STAT2: variants seen among roughly 807,000 people sequenced by gnomAD.
The protein encoded by STAT2 is interferon alpha induced transcriptional activator.
STAT2 carries 51 observed loss-of-function variants against 122.3 expected under a neutral mutation model. The observed-to-expected ratio is 0.42, with a 90% CI of 0.33 to 0.53. The LOEUF (loss-of-function observed/expected upper bound fraction) is 0.53, where lower values mean the gene tolerates loss of function less well. Ranked by LOEUF, STAT2 falls within the 20% of genes least tolerant of loss-of-function variation. The pLI is 0.10. For missense variants in STAT2, 736 were observed against 1,010.3 expected (o/e 0.73, Z 3.68); for synonymous variants, 351 against 394.9 (o/e 0.89, Z 1.32).
chr12:56,356,009 C>T, intron 3 of STAT2, 123 bp downstream of exon 3: 1 of 1,413,638 alleles, frequency 7.1e-7, no homozygotes, highest in East Asian at 2.3e-5. Context: ...AGACTCTGTC[C>T]TCCTTTCCCC....
In STAT2 at chr12:56,356,461, G is replaced by A; in HGVS notation, c.111C>T (p.Val37=). The A allele has an allele frequency of 3.7e-6, 6 of 1,614,034 alleles. No individual in the cohort carries two copies. Among genetic ancestry groups the A allele is most frequent in the Non-Finnish European group, 5.1e-6 (6 of 1,180,048 alleles). Residue 37 remains valine (V), a synonymous_variant, in exon 2 of 24, where the codon GTC becomes GTT. Transcript: ENST00000314128. The part of the protein sequence containing the change: ...LPVDIRQYLA[V]WIEDQNWQEA... ...CTCACCAGTTCTGGTCTTCAATCCA[G>A]ACAGCCAAGTACTGTCGAATGTCCA...
At chr12:56,345,888 T>C (rs1877374539) in intron 22 of STAT2, among the ~76,000 whole-genome samples, 5 of 151,372 alleles carry the variant, frequency 3.3e-5, no homozygotes, top group East Asian at 1.9e-4. Context: ...AACCTAAGGA[T>C]GGCAGCAGAA....
In STAT2 at chr12:56,356,449, G is replaced by T; in HGVS notation, c.123C>A (p.Asp41Glu). The T allele has an allele frequency of 6.2e-7, 1 of 1,613,936 alleles. No individual in the cohort carries two copies. Among genetic ancestry groups the T allele is most frequent in the Non-Finnish European group, 8.5e-7 (1 of 1,180,018 alleles). ...CTTCCTGAAGGCCTCACCAGTTCTG[G>T]TCTTCAATCCAGACAGCCAAGTACT... ...IRQYLAVWIE[D>E]QNWQEAALGS... Residue 41 changes from aspartate (D) to glutamate (E), a missense_variant, in exon 2 of 24, where the codon GAC becomes GAA. Transcript: ENST00000314128.
At chr12:56,350,023 TG>T in intron 13 of STAT2, 73 bp downstream of exon 13, 2 of 1,372,698 alleles carry the variant, frequency 1.5e-6, no homozygotes, top group Non-Finnish European at 1.0e-6. Context: ...CACTCCAGCC[TG>T]GGGGACAGAG....
At chr12:56,343,621 C>G (rs1876900648) in intron 23 of STAT2, 90 bp from the exon 24 acceptor site, 6 of 1,551,174 alleles carry the variant, frequency 3.9e-6, no homozygotes, top group Non-Finnish European at 5.2e-6. Context: ...GCAGGAAAGG[C>G]CTGGGAAGAG....
chr12:56,354,399 T>C, intron 8 of STAT2, 67 bp downstream of exon 8: 16 of 1,607,648 alleles, frequency 1.0e-5, no homozygotes, highest in South Asian at 1.1e-5. Context: ...TCTTGCTATA[T>C]GCAGGGCACT....
Position 56,356,848 on chromosome 12 carries a change from G to GA in STAT2, c.-7-271dup, listed in dbSNP as rs1435300404. The stretch of plus-strand genomic sequence containing the variant: ...GCTATTCCAAGCATTTTGGATTTCA[G>GA]ATTTGTCCAGATTTTGGAATATCTG... On this transcript the variant is annotated intron_variant, in intron 1 of 23. Transcript: ENST00000314128. Among the ~76,000 whole-genome samples, 4 of 152,056 alleles carry GA rather than the reference G, an allele frequency of 2.6e-5. No individual in the cohort carries two copies. The East Asian group carries it at 7.7e-4, about 29-fold the overall frequency.
intron 22 of STAT2, among the ~76,000 whole-genome samples, 163 bp downstream of exon 22, chr12:56,345,983 G>A (rs1877389009): frequency 6.6e-6 from 1 of 152,084 alleles, no homozygotes; most frequent in Non-Finnish European, 1.5e-5. Context: ...GAATAGGGCA[G>A]CTTAGGAGAA....
At chr12:56,347,390 C>T (rs1222864669) in intron 19 of STAT2, among the ~76,000 whole-genome samples, 1 of 151,988 alleles carries the variant, frequency 6.6e-6, no homozygotes, top group Non-Finnish European at 1.5e-5. Context: ...GGGGTTTCAC[C>T]ACGTGGCCCA....
intron 4 of STAT2, 27 bp downstream of exon 4, chr12:56,355,681 C>T (rs752303598): frequency 4.6e-5 from 74 of 1,610,410 alleles, no homozygotes; most frequent in Admixed American, 6.7e-5. Context: ...TCAGGAGTTT[C>T]CAACATTACC....
chr12:56,356,689 A>T lies in STAT2; in HGVS notation c.-7-111T>A, dbSNP rs1210884101. The T allele has an allele frequency of 4.4e-6, 6 of 1,372,136 alleles. No individual in the cohort carries two copies. The African/African-American group carries it at 8.8e-5, about 20-fold the overall frequency. The allele number at this position is 1,372,136 out of a possible 1,614,324, so 85.0% of individuals were successfully genotyped here. On this transcript the variant is annotated intron_variant, in intron 1 of 23. Transcript: ENST00000314128. Reference sequence around the variant, plus strand: ...TTAAAATGTTTAAATTATACAAGTAATAAAAATACAGAAAACATTAAAATA... The same window carrying T: ...TTAAAATGTTTAAATTATACAAGTATTAAAAATACAGAAAACATTAAAATA...
chr12:56,345,495 CAAAAAAAAAAA>C (rs1194953634), intron 22 of STAT2, among the ~76,000 whole-genome samples: 1 of 4,584 alleles, frequency 2.2e-4, no homozygotes, highest in Non-Finnish European at 3.3e-4. Flanking sequence ...GACCCTGTCT[CAAAAAAAAAAA>C]AAAAAAAAAA....
chr12:56,346,267 C>T (rs1331638263), intron 21 of STAT2, 64 bp from the exon 22 acceptor site: 1 of 1,600,428 alleles, frequency 6.2e-7, no homozygotes, highest in Admixed American at 1.7e-5. Flanking sequence ...CTGAGGTTCC[C>T]CTAGTGCAGA....
Position 56,356,466 on chromosome 12 carries a change from C to A in STAT2, c.106G>T (p.Ala36Ser). 6.2e-7 allele frequency: 1 copy of A among 1,614,086 alleles called. No homozygotes were observed. Among genetic ancestry groups the A allele is most frequent in the Non-Finnish European group, 8.5e-7 (1 of 1,180,034 alleles). ...LLPVDIRQYL[A>S]VWIEDQNWQE... ...CAGTTCTGGTCTTCAATCCAGACAG[C>A]CAAGTACTGTCGAATGTCCACAGGC... Residue 36 changes from alanine (A) to serine (S), a missense_variant, in exon 2 of 24, where the codon GCT (alanine) becomes TCT (serine). Coordinates refer to ENST00000314128, the MANE Select transcript of STAT2 (RefSeq NM_005419.4).
intron 1 of STAT2, among the ~76,000 whole-genome samples, chr12:56,359,127 A>G (rs1253206950): frequency 6.6e-6 from 1 of 152,226 alleles, no homozygotes; most frequent in Non-Finnish European, 1.5e-5. Context: ...GTCTTCTACT[A>G]ACATGAATAA....
At chr12:56,346,378 T>C (rs1229696224) in intron 21 of STAT2, 64 bp downstream of exon 21, 34 of 1,594,414 alleles carry the variant, frequency 2.1e-5, no homozygotes, top group Non-Finnish European at 2.9e-5. Flanking sequence ...AAGGAAGGAG[T>C]GGGATCTATG....
In STAT2 at chr12:56,355,307, G is replaced by A. The variant is rs1256657332; in HGVS notation, c.516C>T (p.Val172=). The A allele has an allele frequency of 1.2e-6, 2 of 1,614,068 alleles. No homozygotes were observed. The highest frequency in any genetic ancestry group is 2.2e-5 in the East Asian group (1 of 44,894). The change falls in exon 6 of 24, where the codon GTC becomes GTT. Residue 172 remains valine (V), a synonymous_variant. Transcript: ENST00000314128. ...CCTGGATCTTATATCGGAAGCAGAAGACATCCTGCTGGTCTTTCAGTTGGC... is the reference window on the plus strand; with the variant it reads ...CCTGGATCTTATATCGGAAGCAGAAAACATCCTGCTGGTCTTTCAGTTGGC... ...SISQLKDQQD[V]FCFRYKIQAK...
At position 56,355,439 on chromosome 12, in the gene STAT2, T is replaced by A; in HGVS notation, c.471+4A>T. 1 of 1,614,174 alleles carries A rather than the reference T, an allele frequency of 6.2e-7. No individual in the cohort carries two copies. The stretch of plus-strand genomic sequence containing the variant: ...CAACCCTAACTCCTACCACATCTAC[T>A]AACCTCCATCATAGCCCTTAAATCC... On this transcript the variant is annotated splice_donor_region_variant and intron_variant, in intron 5 of 23. Coordinates refer to ENST00000314128, the MANE Select transcript of STAT2 (RefSeq NM_005419.4).
Position 56,343,818 on chromosome 12 carries a change from CACTT to C in STAT2, c.2413+3_2413+6del. ...GCCATCTTCCATAGCTCCATCTCAT[CACTT>C]ACTTTCCATTGGCTCAGTGTTCAAA... On this transcript the variant is annotated splice_donor_5th_base_variant and intron_variant, in intron 23 of 23. Transcript: ENST00000314128. 6.2e-7 allele frequency: 1 copy of C among 1,613,620 alleles called. No homozygotes were observed. Among genetic ancestry groups the C allele is most frequent in the Non-Finnish European group, 8.5e-7 (1 of 1,179,494 alleles).
Sources: allele counts gnomAD v4.1 joint callset (sites outside exome capture counted in the v4.1 genomes callset), GRCh38; gene constraint gnomAD v4.1.1; transcripts MANE v1.5; gene names NCBI Gene and HGNC (gene_info 2026-07-23, HGNC 2026-07-21).